The following NWD2 variants were observed in gnomAD, a reference collection of about 807,000 sequenced individuals.
The protein encoded by NWD2 is NACHT and WD repeat domain containing 2.
Under a neutral mutation model 132.7 loss-of-function variants are expected in NWD2, and 37 were observed. That is an observed-to-expected ratio of 0.28 (90% confidence interval 0.21 to 0.37). The LOEUF is 0.37. Ranked by LOEUF, NWD2 falls within the 10% of genes least tolerant of loss-of-function variation. The pLI, the probability that NWD2 is intolerant of heterozygous loss-of-function variation, is 1.00. For missense variants in NWD2, 1,592 were observed against 2,122.4 expected (o/e 0.75, Z 4.91); for synonymous variants, 705 against 803.0 (o/e 0.88, Z 2.06).
intron 3 of NWD2, among the ~76,000 whole-genome samples, chr4:37,417,257 T>A (rs1452014992): frequency 6.6e-6 from 1 of 151,894 alleles, no homozygotes; most frequent in African/African-American, 2.4e-5. Context: ...AGGAAAGAAA[T>A]TGATGGTGAA....
intron 3 of NWD2, among the ~76,000 whole-genome samples, chr4:37,385,868 T>C (rs1299273956): frequency 6.6e-6 from 1 of 152,248 alleles, no homozygotes; most frequent in Non-Finnish European, 1.5e-5. Flanking sequence ...CCAGGAATTC[T>C]AAGTATATTC....
At chr4:37,408,726 C>G (rs1721096260) in intron 3 of NWD2, among the ~76,000 whole-genome samples, 1 of 152,182 alleles carries the variant, frequency 6.6e-6, no homozygotes, top group Non-Finnish European at 1.5e-5. Context: ...CCTATGTATC[C>G]TGACTGGGAG....
At chr4:37,290,321 A>G (rs2109271885) in intron 1 of NWD2, among the ~76,000 whole-genome samples, 1 of 152,350 alleles carries the variant, frequency 6.6e-6, no homozygotes, top group Non-Finnish European at 1.5e-5. Flanking sequence ...TAAAAAATGT[A>G]TTGGGCCACT....
chr4:37,342,660 GT>G (rs1484929748), intron 2 of NWD2, among the ~76,000 whole-genome samples: 1 of 152,096 alleles, frequency 6.6e-6, no homozygotes, highest in Non-Finnish European at 1.5e-5. Context: ...CTTTCTCCAT[GT>G]TCATTAAGCC....
intron 3 of NWD2, among the ~76,000 whole-genome samples, chr4:37,414,270 G>A (rs56211462): frequency 0.12 from 18,266 of 152,056 alleles, 1,567 homozygotes; most frequent in Non-Finnish European, 0.18. Context: ...TCAAAATGTT[G>A]ATAGTTGGTA....
At position 37,444,000 on chromosome 4, in the gene NWD2, G is replaced by T; in HGVS notation, c.2012G>T (p.Gly671Val). Reference protein sequence around the residue: ...ALGYITMAKMGLSEMELEDVL... With the variant: ...ALGYITMAKMVLSEMELEDVL... Reference sequence around the variant, plus strand: ...GGTTACATCACCATGGCCAAAATGGGTCTGAGTGAAATGGAACTGGAGGAT... The same window carrying T: ...GGTTACATCACCATGGCCAAAATGGTTCTGAGTGAAATGGAACTGGAGGAT... The change falls in exon 7 of 7, where the codon GGT becomes GTT. Residue 671 changes from glycine to valine, a missense_variant. Coordinates refer to ENST00000309447, the MANE Select transcript of NWD2 (RefSeq NM_001144990.2). This position sits in a 1 kb window ranked among gnomAD's most constrained non-coding sequence, Gnocchi z 4.1. 1 of 1,552,260 alleles carries T rather than the reference G, an allele frequency of 6.4e-7. No individual in the cohort carries two copies. The highest frequency in any genetic ancestry group is 8.7e-7 in the Non-Finnish European group (1 of 1,147,134).
chr4:37,260,575 G>A (rs1717609076), intron 1 of NWD2, among the ~76,000 whole-genome samples: 1 of 152,144 alleles, frequency 6.6e-6, no homozygotes, highest in Admixed American at 6.6e-5. Flanking sequence ...TGAAACTACA[G>A]TGTATTCATA....
chr4:37,298,242 A>C (rs1718539868), intron 1 of NWD2, among the ~76,000 whole-genome samples: 1 of 152,160 alleles, frequency 6.6e-6, no homozygotes, highest in South Asian at 2.1e-4. Context: ...AGGCAGCAGC[A>C]ATCACTCGTG....
chr4:37,251,445 T>G (rs1413035734), intron 1 of NWD2, among the ~76,000 whole-genome samples: 1 of 152,140 alleles, frequency 6.6e-6, no homozygotes, highest in Non-Finnish European at 1.5e-5. Flanking sequence ...CAAAAATCAT[T>G]ATAGAGGTTG....
intron 3 of NWD2, among the ~76,000 whole-genome samples, chr4:37,386,210 A>T (rs1560409738): frequency 6.6e-6 from 1 of 152,172 alleles, no homozygotes; most frequent in Non-Finnish European, 1.5e-5. Context: ...AACTCTGCTA[A>T]TGTTGTCTAG....
chr4:37,275,194 C>T (rs995491071), intron 1 of NWD2, among the ~76,000 whole-genome samples: 1 of 152,076 alleles, frequency 6.6e-6, no homozygotes, highest in Non-Finnish European at 1.5e-5. Context: ...TCGTCTTAGC[C>T]CAAAATCTCC....
intron 1 of NWD2, among the ~76,000 whole-genome samples, chr4:37,287,162 G>A (rs1718250767): frequency 1.3e-5 from 2 of 152,186 alleles, no homozygotes; most frequent in Non-Finnish European, 2.9e-5. Context: ...TGTGCAACAC[G>A]GATCCGAAGA....
At chr4:37,356,554 C>A in intron 3 of NWD2, 72 bp downstream of exon 3, 1 of 1,001,694 alleles carries the variant, frequency 1.0e-6, no homozygotes, top group South Asian at 1.5e-5. Context: ...ATTTGTGATT[C>A]ATAAGGGGTT....
intron 1 of NWD2, among the ~76,000 whole-genome samples, chr4:37,297,920 C>G (rs1339916019): frequency 1.3e-5 from 2 of 152,060 alleles, no homozygotes; most frequent in South Asian, 2.1e-4. Context: ...CCAAGATTCT[C>G]TACCACAAAA....
intron 3 of NWD2, among the ~76,000 whole-genome samples, chr4:37,406,434 C>T (rs1252634253): frequency 6.6e-6 from 1 of 152,202 alleles, no homozygotes. Context: ...AATCCCATTA[C>T]TAGGTATACA....
At chr4:37,318,579 C>A (rs1719005487) in intron 1 of NWD2, among the ~76,000 whole-genome samples, 2 of 152,080 alleles carry the variant, frequency 1.3e-5, no homozygotes, top group Admixed American at 1.3e-4. Context: ...TTTTGCAACC[C>A]TTACTACCCT....
At chr4:37,391,739 G>A (rs540852247) in intron 3 of NWD2, among the ~76,000 whole-genome samples, 1 of 152,312 alleles carries the variant, frequency 6.6e-6, no homozygotes, top group Admixed American at 6.5e-5. Flanking sequence ...AGATGAGGAA[G>A]CTGAGACATG....
intron 2 of NWD2, among the ~76,000 whole-genome samples, chr4:37,335,719 T>C (rs1383567306): frequency 6.6e-6 from 1 of 151,628 alleles, no homozygotes; most frequent in Admixed American, 6.6e-5. Flanking sequence ...GGACTCCTTA[T>C]GAGAATCAAA....
chr4:37,280,591 A>T (rs573169957), intron 1 of NWD2, among the ~76,000 whole-genome samples: 1 of 152,280 alleles, frequency 6.6e-6, no homozygotes, highest in South Asian at 2.1e-4. Flanking sequence ...AAACAACATT[A>T]TTTAAGGACC....
Sources: allele counts gnomAD v4.1 joint callset (sites outside exome capture counted in the v4.1 genomes callset), GRCh38; gene constraint gnomAD v4.1.1; non-coding constraint Gnocchi (gnomAD v3.1); transcripts MANE v1.5; gene names NCBI Gene and HGNC (gene_info 2026-07-23, HGNC 2026-07-21).